The following TTC19 variants were observed in gnomAD, a reference collection of about 807,000 sequenced individuals.
TTC19 encodes tetratricopeptide repeat protein 19, mitochondrial.
TTC19 carries 38 observed loss-of-function variants against 49.5 expected under a neutral mutation model. The ratio of observed to expected loss-of-function variants is 0.77; its 90% CI spans 0.59 to 1.01. TTC19 has a LOEUF of 1.01. TTC19 is among the 50% of genes least tolerant of loss of function. TTC19 has a pLI of 0.00. For missense variants in TTC19, 475 were observed against 477.7 expected (o/e 0.99, Z 0.05); for synonymous variants, 204 against 185.2 (o/e 1.10, Z -0.83).
At chr17:16,004,964 A>G (rs1256035789) in intron 6 of TTC19, among the ~76,000 whole-genome samples, 1 of 152,140 alleles carries the variant, frequency 6.6e-6, no homozygotes, top group African/African-American at 2.4e-5. Flanking sequence ...TCTTTTGAGG[A>G]GCTTTGAGCT....
At chr17:16,031,673 C>G (rs1972020959), downstream of TTC19, 1 of 227,116 alleles carries the variant, frequency 4.4e-6, no homozygotes, top group Non-Finnish European at 8.8e-6. Context: ...CCTTTTGACC[C>G]TAATGTACAG....
At chr17:16,018,408 TC>T (rs1971277148) in intron 7 of TTC19, among the ~76,000 whole-genome samples, 1 of 152,210 alleles carries the variant, frequency 6.6e-6, no homozygotes, top group South Asian at 2.1e-4. Context: ...TATCCCCTCT[TC>T]CATCAGTTTT....
At chr17:16,013,607 C>T (rs1971138390) in intron 7 of TTC19, among the ~76,000 whole-genome samples, 1 of 152,054 alleles carries the variant, frequency 6.6e-6, no homozygotes, top group Non-Finnish European at 1.5e-5. Flanking sequence ...CTAATTAGTA[C>T]ATACTTGGGT....
chr17:16,035,569 TCTGCTGCCCAGGCTGCA>T (rs1312630618), intron 2 of TTC19, among the ~76,000 whole-genome samples: 3 of 144,156 alleles, frequency 2.1e-5, no homozygotes, highest in Non-Finnish European at 4.5e-5. Flanking sequence ...GGGTCTCACC[TCTGCTGCCCAGGCTGCA>T]CTGCAGTGGC....
At chr17:16,014,969 A>G (rs1000165182) in intron 7 of TTC19, among the ~76,000 whole-genome samples, 10 of 152,156 alleles carry the variant, frequency 6.6e-5, no homozygotes, top group Non-Finnish European at 1.2e-4. Flanking sequence ...CTTGTAGGTT[A>G]ATTGCTTAGT....
chr17:16,042,778 A>T (rs1211774531), intron 2 of TTC19, among the ~76,000 whole-genome samples: 1 of 152,172 alleles, frequency 6.6e-6, no homozygotes, highest in Non-Finnish European at 1.5e-5. Context: ...AACTTTTTGT[A>T]TGGGGAGGTA....
intron 2 of TTC19, among the ~76,000 whole-genome samples, chr17:16,038,435 C>T (rs1446862487): frequency 9.4e-5 from 14 of 149,334 alleles, no homozygotes; most frequent in Non-Finnish European, 5.9e-5. Flanking sequence ...TTTTCCTACT[C>T]TTTTTTTTTT....
intron 2 of TTC19, chr17:16,040,519 TAA>T (rs2057362667): frequency 6.2e-7 from 1 of 1,604,304 alleles, no homozygotes; most frequent in East Asian, 2.2e-5. Flanking sequence ...ACATTCAAGT[TAA>T]TTAAGATGTG....
rs143139828 is a variant in TTC19, at chr17:16,037,360, A to G, written c.248-7143A>G. On this transcript the variant is annotated intron_variant, in intron 2 of 2. Coordinates refer to the TTC19 transcript ENST00000470649. ...ACAAAGGAGAGCCCATGCTATTAGA[A>G]AAATAATGCTGATAGACTTGCTTGA... is the stretch of plus-strand genomic sequence containing the variant. Among the ~76,000 whole-genome samples the G allele has an allele frequency of 2.5e-3, 386 of 152,342 alleles. 1 individual carries two copies. Among genetic ancestry groups the G allele is most frequent in the Middle Eastern group, 0.01 (3 of 294 alleles).
downstream of TTC19, chr17:16,030,533 TTA>T (rs1971824352): frequency 5.2e-6 from 1 of 192,772 alleles, no homozygotes; most frequent in African/African-American, 2.3e-5. Context: ...AGTGGAACAT[TTA>T]GTCACTGTTT....
In TTC19 at chr17:16,023,352, TTTTG is replaced by T. The variant is rs1431273423; in HGVS notation, c.677-1661_677-1658del. 2.6e-5 allele frequency: 4 copies of T among 152,342 alleles called. No homozygotes were observed. In the South Asian group the frequency reaches 8.3e-4, roughly 32 times the overall value. The allele number at this position is 152,342 out of a possible 1,614,324, so 9.4% of individuals were successfully genotyped here. On this transcript the variant is annotated intron_variant, in intron 7 of 9. Transcript: ENST00000261647. The stretch of plus-strand genomic sequence containing the variant: ...ATTGCTTGTCACTTTATTCTTGTAC[TTTTG>T]TTTTACTACTGAACATCTTTTTAAA...
chr17:16,042,852 G>A (rs2152085966), intron 2 of TTC19, among the ~76,000 whole-genome samples: 1 of 152,326 alleles, frequency 6.6e-6, no homozygotes, highest in South Asian at 2.1e-4. Context: ...AATGAGGTCT[G>A]CAAAGATATG....
chr17:16,020,021 T>C (rs1017831736), intron 7 of TTC19, among the ~76,000 whole-genome samples: 2 of 150,108 alleles, frequency 1.3e-5, no homozygotes, highest in African/African-American at 4.9e-5. Flanking sequence ...TCCCAACTAC[T>C]TGGGAGGCTG....
downstream of TTC19, among the ~76,000 whole-genome samples, chr17:16,034,113 G>A (rs989806465): frequency 3.3e-5 from 5 of 152,052 alleles, no homozygotes; most frequent in Non-Finnish European, 7.4e-5. Flanking sequence ...AAGTGGCATG[G>A]GTACATTCAG....
chr17:16,001,427 C>G (rs1970729749), intron 2 of TTC19, among the ~76,000 whole-genome samples: 1 of 152,124 alleles, frequency 6.6e-6, no homozygotes, highest in African/African-American at 2.4e-5. Flanking sequence ...TTGTTCTCCC[C>G]AGGTCCTTAT....
At chr17:16,032,541 T>A, downstream of TTC19, 1 of 1,484,450 alleles carries the variant, frequency 6.7e-7, no homozygotes, top group Non-Finnish European at 9.1e-7. Context: ...TTTCATCCAA[T>A]CCAACTTTTG....
At chr17:16,018,342 C>T (rs1971275389) in intron 7 of TTC19, among the ~76,000 whole-genome samples, 1 of 152,180 alleles carries the variant, frequency 6.6e-6, no homozygotes, top group African/African-American at 2.4e-5. Context: ...GCTCTGGCCT[C>T]TTACCCTGGA....
At chr17:16,007,226 TC>T (rs972969897) in intron 7 of TTC19, among the ~76,000 whole-genome samples, 4 of 152,342 alleles carry the variant, frequency 2.6e-5, no homozygotes, top group African/African-American at 9.6e-5. Context: ...GGGAATATGT[TC>T]CAAGACCCCC....
chr17:16,002,171 C>G, intron 3 of TTC19, 146 bp downstream of exon 3: 1 of 709,992 alleles, frequency 1.4e-6, no homozygotes, highest in Non-Finnish European at 2.5e-6. Flanking sequence ...GCTTCAGTTT[C>G]ATTTTTTGTT....
Sources: gnomAD v4.1 joint callset for allele counts (sites outside exome capture counted in the v4.1 genomes callset) on GRCh38, gnomAD v4.1.1 for gene constraint, MANE v1.5 for transcripts, NCBI Gene and HGNC (gene_info 2026-07-23, HGNC 2026-07-21) for gene names.